CILP2: variants seen among roughly 807,000 people sequenced by gnomAD.
The protein encoded by CILP2 is cartilage intermediate layer protein 2.
A neutral mutation model predicts 45.6 loss-of-function variants in CILP2; 38 were observed. The observed-to-expected ratio is 0.83, with a 90% CI of 0.64 to 1.09. The LOEUF (loss-of-function observed/expected upper bound fraction) is 1.09, where lower values mean the gene tolerates loss of function less well. Among genes scored for constraint, CILP2 ranks in the 50% least tolerant of loss-of-function variants. The probability of loss-of-function intolerance (pLI) is 0.00; values close to 1 mark genes in which losing one functional copy is unlikely to be tolerated. For synonymous variants in CILP2, 780 were observed against 723.5 expected, an observed-to-expected ratio of 1.08 and a Z score of -1.25; for missense variants, 1,735 against 1,662.2, an observed-to-expected ratio of 1.04 and a Z score of -0.76.
chr19:19,545,441 C>G lies in CILP2; in HGVS notation c.2896C>G (p.Arg966Gly). The change falls in exon 8 of 8, where the codon CGC becomes GGC. Residue 966 changes from arginine (R) to glycine (G), a missense_variant. Physicochemically the swap from Arg to Gly is moderately radical, Grantham distance 125. Coordinates refer to ENST00000291495, the MANE Select transcript of CILP2 (RefSeq NM_153221.2). ...HNAGGSHPRT[R>G]GQLYGLRDAR... is the part of the protein sequence containing the mutation. ...CGCAGGGGGCAGCCACCCACGCACC[C>G]GCGGCCAGCTCTACGGACTTCGGGA... 2 of 1,612,328 alleles carry G rather than the reference C, an allele frequency of 1.2e-6. No homozygotes were observed. The highest frequency in any genetic ancestry group is 1.7e-6 in the Non-Finnish European group (2 of 1,179,636).
At chr19:19,541,685 G>A (rs1028415175) in intron 4 of CILP2, among the ~76,000 whole-genome samples, 1 of 152,178 alleles carries the variant, frequency 6.6e-6, no homozygotes, top group South Asian at 2.1e-4. Flanking sequence ...GGGTGCACAC[G>A]TGCATGGCAT....
intron 2 of CILP2, 96 bp from the exon 3 acceptor site, chr19:19,540,108 C>CG: frequency 7.2e-7 from 1 of 1,392,752 alleles, no homozygotes; most frequent in Non-Finnish European, 9.4e-7. Context: ...CGGTGCCCAC[C>CG]GGGGGAGGGG....
In CILP2 at chr19:19,542,867, A is replaced by C. The variant is rs1320720870; in HGVS notation, c.872A>C (p.Lys291Thr). 6.2e-7 allele frequency: 1 copy of C among 1,612,630 alleles called. No individual in the cohort carries two copies. Among genetic ancestry groups the C allele is most frequent in the African/African-American group, 1.3e-5 (1 of 74,890 alleles). Reference sequence around the variant, plus strand: ...TCTTTACCACCTTTGACCCCAGAGAAGCCGTACCTGGTGAAACACCCTGAG... The same window carrying C: ...TCTTTACCACCTTTGACCCCAGAGACGCCGTACCTGGTGAAACACCCTGAG... ...VVTIILDKLE[K>T]PYLVKHPESR... is the part of the protein sequence containing the mutation. The change falls in exon 6 of 8, where the codon AAG (lysine) becomes ACG (threonine). Residue 291 changes from lysine to threonine, a missense_variant. By Grantham distance (78) the Lys-to-Thr change is moderately conservative. Coordinates refer to ENST00000291495, the MANE Select transcript of CILP2 (RefSeq NM_153221.2).
chr19:19,543,313 G>T lies in CILP2; in HGVS notation c.1043G>T (p.Gly348Val), dbSNP rs756635511. The change falls in exon 7 of 8, where the codon GGA (glycine) becomes GTA (valine). Residue 348 changes from glycine to valine, a missense_variant. Gly to Val is a moderately radical substitution (Grantham distance 109, BLOSUM62 -3). Coordinates refer to ENST00000291495, the MANE Select transcript of CILP2 (RefSeq NM_153221.2). Reference sequence around the variant, plus strand: ...TACGGGGCCCACCTGGAGCTGCGGGGACTGCGCCCAGACCAGGCTGGCATC... The same window carrying T: ...TACGGGGCCCACCTGGAGCTGCGGGTACTGCGCCCAGACCAGGCTGGCATC... The part of the protein sequence containing the change: ...HGYGAHLELR[G>V]LRPDQAGIYH... The T allele has an allele frequency of 2.3e-5, 37 of 1,613,604 alleles. No individual in the cohort carries two copies. The highest frequency in any genetic ancestry group is 1.7e-6 in the Non-Finnish European group (2 of 1,180,012).
At position 19,543,395 on chromosome 19, in the gene CILP2, C is replaced by T. The variant is rs1218398594; in HGVS notation, c.1125C>T (p.Leu375=). Reference sequence around the variant, plus strand: ...CCGTGCGCTCGGGCACTGCCCGGCTCACTGTACTTGGTGAGTGTCCTTGGC... The same window carrying T: ...CCGTGCGCTCGGGCACTGCCCGGCTTACTGTACTTGGTGAGTGTCCTTGGC... ...AGAVRSGTAR[L]TVLAPGQPAC... Residue 375 remains leucine (L), a synonymous_variant, in exon 7 of 8, where the codon CTC becomes CTT. Coordinates refer to ENST00000291495, the MANE Select transcript of CILP2 (RefSeq NM_153221.2). 1.2e-6 allele frequency: 2 copies of T among 1,613,140 alleles called. No individual in the cohort carries two copies. The highest frequency in any genetic ancestry group is 1.3e-5 in the African/African-American group (1 of 74,946).
rs569176760 is a variant in CILP2, at chr19:19,541,105, G to GCGTGGGGCC, written c.459_467dup (p.Trp155_Pro157dup). ...GCCTTCCGCAGAAGCCTCGTGGGGC[G>GCGTGGGGCC]CGTGGGGCCCGTGGGGTCCCTGCTC... is the stretch of plus-strand genomic sequence containing the variant. On this transcript the variant is annotated inframe_insertion, in exon 4 of 8. Coordinates refer to ENST00000291495, the MANE Select transcript of CILP2 (RefSeq NM_153221.2). 182 of 1,262,564 alleles carry GCGTGGGGCC rather than the reference G, an allele frequency of 1.4e-4. No homozygotes were observed. Among genetic ancestry groups the GCGTGGGGCC allele is most frequent in the Non-Finnish European group, 1.7e-4 (170 of 1,003,752 alleles). 78.2% of individuals were successfully genotyped at this position (1,262,564 alleles called of 1,614,324 possible). A position where few individuals can be genotyped will look rare whatever the true frequency, so the allele number is the denominator to read the frequency against.
intron 3 of CILP2, 62 bp downstream of exon 3, chr19:19,540,538 G>A: frequency 2.4e-6 from 1 of 408,968 alleles, no homozygotes. Flanking sequence ...CGAACGCCGG[G>A]AAGAGTCGTG....
chr19:19,545,706 C>G lies in CILP2; in HGVS notation c.3161C>G (p.Pro1054Arg). 2.5e-6 allele frequency: 4 copies of G among 1,612,980 alleles called. No homozygotes were observed. Among genetic ancestry groups the G allele is most frequent in the Non-Finnish European group, 3.4e-6 (4 of 1,179,748 alleles). The change falls in exon 8 of 8, where the codon CCT becomes CGT. Residue 1054 changes from proline (P) to arginine (R), a missense_variant. Pro to Arg is a moderately radical substitution (Grantham distance 103). Coordinates refer to ENST00000291495, the MANE Select transcript of CILP2 (RefSeq NM_153221.2). ...TTCTCCATGCTGGCCCCCCTAGACC[C>G]TCTGGGCCACAACTATGGCGTCTAC... Reference protein sequence around the residue: ...AAFSMLAPLDPLGHNYGVYTV... With the variant: ...AAFSMLAPLDRLGHNYGVYTV...
At chr19:19,539,631 TC>T in intron 1 of CILP2, 47 bp from the exon 2 acceptor site, 1 of 1,351,308 alleles carries the variant, frequency 7.4e-7, no homozygotes, top group East Asian at 2.6e-5. Context: ...CTCCCAGCGG[TC>T]CCCATCAGTA....
chr19:19,541,739 C>T (rs1030653411), intron 4 of CILP2, among the ~76,000 whole-genome samples: 2 of 152,216 alleles, frequency 1.3e-5, no homozygotes, highest in Admixed American at 6.5e-5. Flanking sequence ...CAGACACCCG[C>T]TCACAGCCTG....
intron 5 of CILP2, 100 bp downstream of exon 5, chr19:19,542,750 A>G (rs2061249087): frequency 2.5e-6 from 4 of 1,586,634 alleles, no homozygotes; most frequent in African/African-American, 2.7e-5. Context: ...TGACACAGTC[A>G]TTGGCGAAGG....
intron 1 of CILP2, among the ~76,000 whole-genome samples, chr19:19,538,794 A>G (rs1426000887): frequency 6.6e-6 from 1 of 152,120 alleles, no homozygotes; most frequent in African/African-American, 2.4e-5. Context: ...GGGGCGGGGG[A>G]CGGGCCCACT....
chr19:19,540,484 C>CG lies in CILP2; in HGVS notation c.436+12dup, dbSNP rs751053548. 350 of 753,946 alleles carry CG rather than the reference C, an allele frequency of 4.6e-4. 1 individual carries two copies. The East Asian group carries it at 0.048, about 103-fold the overall frequency. The allele number at this position is 753,946 out of a possible 1,614,324, so 46.7% of individuals were successfully genotyped here. A position where few individuals can be genotyped will look rare whatever the true frequency, so the allele number is the denominator to read the frequency against. On this transcript the variant is annotated intron_variant, in intron 3 of 7. Coordinates refer to ENST00000291495, the MANE Select transcript of CILP2 (RefSeq NM_153221.2). Reference sequence around the variant, plus strand: ...GCTTCCGCTGCCCACTAGGTGAGGGCGGGGCTGGATGACGGGGGCGGGGCT... The same window carrying CG: ...GCTTCCGCTGCCCACTAGGTGAGGGCGGGGGCTGGATGACGGGGGCGGGGCT...
At chr19:19,543,434 A>C in intron 7 of CILP2, 29 bp downstream of exon 7, 5 of 1,610,928 alleles carry the variant, frequency 3.1e-6, no homozygotes, top group Non-Finnish European at 4.2e-6. Flanking sequence ...AGCCCCGAGC[A>C]AGCCTTCACC....
intron 7 of CILP2, 99 bp from the exon 8 acceptor site, chr19:19,543,582 T>A (rs1468860538): frequency 7.9e-6 from 11 of 1,387,834 alleles, no homozygotes; most frequent in Non-Finnish European, 8.9e-6. Context: ...CAGACCCCTG[T>A]CCCTTAGGTG....
In CILP2 at chr19:19,539,661, C is replaced by T; in HGVS notation, c.65-18C>T. On this transcript the variant is annotated intron_variant, in intron 1 of 7. Transcript: ENST00000291495. The stretch of plus-strand genomic sequence containing the variant: ...ATCAGTAGCAGCGTGCTTCCTTCTC[C>T]CCACTCCTCACCCACAGACGCCACC... 1 of 1,552,202 alleles carries T rather than the reference C, an allele frequency of 6.4e-7. No homozygotes were observed. Among genetic ancestry groups the T allele is most frequent in the East Asian group, 2.4e-5 (1 of 41,488 alleles).
chr19:19,545,335 G>A lies in CILP2; in HGVS notation c.2790G>A (p.Trp930Ter). ...GGACTGGCGATCTCCTGGCCTGGTG[G>A]CCCAACCCGCAGGAGTTCCGGGCCT... is the stretch of plus-strand genomic sequence containing the variant. Reference protein sequence around the residue: ...ASWTGDLLAWWPNPQEFRACF... With the variant: ...ASWTGDLLAW Residue 930 changes from tryptophan (W) to a stop codon, truncating the protein, a stop_gained, in exon 8 of 8, where the codon TGG becomes TGA. Coordinates refer to ENST00000291495, the MANE Select transcript of CILP2 (RefSeq NM_153221.2). LOFTEE classifies it low-confidence loss of function (END_TRUNC). 1 of 1,612,442 alleles carries A rather than the reference G, an allele frequency of 6.2e-7. No homozygotes were observed. Among genetic ancestry groups the A allele is most frequent in the Non-Finnish European group, 8.5e-7 (1 of 1,179,770 alleles).
chr19:19,539,145 G>T (rs920479880), intron 1 of CILP2, among the ~76,000 whole-genome samples: 15 of 152,216 alleles, frequency 9.9e-5, no homozygotes, highest in Admixed American at 4.6e-4. Flanking sequence ...AGGTCAGAGA[G>T]AGGTACCTGG....
Position 19,545,673 on chromosome 19 carries a change from C to G in CILP2, c.3128C>G (p.Pro1043Arg), listed in dbSNP as rs1225881116. The G allele has an allele frequency of 6.2e-7, 1 of 1,611,338 alleles. No individual in the cohort carries two copies. The highest frequency in any genetic ancestry group is 1.7e-5 in the Admixed American group (1 of 59,836). The change falls in exon 8 of 8, where the codon CCA becomes CGA. Residue 1043 changes from proline (P) to arginine (R), a missense_variant. By Grantham distance (103) the Pro-to-Arg change is moderately radical. Transcript: ENST00000291495. Reference protein sequence around the residue: ...RHPPPVPAEDPAAFSMLAPLD... With the variant: ...RHPPPVPAEDRAAFSMLAPLD... The stretch of plus-strand genomic sequence containing the variant: ...CCCCCACCGGTGCCCGCGGAGGACC[C>G]AGCTGCCTTCTCCATGCTGGCCCCC...
Sources: gnomAD v4.1 joint callset for allele counts (sites outside exome capture counted in the v4.1 genomes callset) on GRCh38, gnomAD v4.1.1 for gene constraint, MANE v1.5 for transcripts, NCBI Gene and HGNC (gene_info 2026-07-23, HGNC 2026-07-21) for gene names.